RSL24D1: variants seen among roughly 807,000 people sequenced by gnomAD.
RSL24D1 encodes ribosomal L24 domain containing 1.
A neutral mutation model predicts 26.2 loss-of-function variants in RSL24D1; 6 were observed. The observed-to-expected ratio is 0.23, with a 90% CI of 0.13 to 0.45. The LOEUF is 0.45. Among genes scored for constraint, RSL24D1 ranks in the 20% least tolerant of loss-of-function variants. The probability of loss-of-function intolerance (pLI) is 0.99; values close to 1 mark genes in which losing one functional copy is unlikely to be tolerated. For synonymous variants in RSL24D1, 61 were observed against 59.1 expected (o/e 1.03, Z -0.15); for missense variants, 176 against 202.6 (o/e 0.87, Z 0.80).
chr15:55,193,567 T>C (rs1046221851), intron 1 of RSL24D1, among the ~76,000 whole-genome samples: 1 of 152,104 alleles, frequency 6.6e-6, no homozygotes, highest in Non-Finnish European at 1.5e-5. Context: ...GTAAAGAAAA[T>C]TAAGTTGAAT....
intron 5 of RSL24D1, among the ~76,000 whole-genome samples, chr15:55,183,036 A>G (rs940491625): frequency 7.2e-5 from 11 of 152,224 alleles, no homozygotes; most frequent in African/African-American, 2.7e-4. Context: ...TTTAATCAAT[A>G]CAAGTGCAAG....
At chr15:55,191,622 CA>C (rs1249920272) in intron 2 of RSL24D1, among the ~76,000 whole-genome samples, 1 of 152,212 alleles carries the variant, frequency 6.6e-6, no homozygotes, top group African/African-American at 2.4e-5. Flanking sequence ...AGATCCCCTC[CA>C]AACACGGTTA....
chr15:55,185,486 G>T lies in RSL24D1; in HGVS notation c.269-61C>A. The T allele has an allele frequency of 4.4e-6, 5 of 1,135,270 alleles. 1 individual carries two copies. The highest frequency in any genetic ancestry group is 2.2e-5 in the Admixed American group (1 of 45,602). The allele number at this position is 1,135,270 out of a possible 1,614,324, so 70.3% of individuals were successfully genotyped here. Reference sequence around the variant, plus strand: ...CATTCAAGCGGTATGATCAACAACTGCATTAACAAACACTTCTTTATTATT... The same window carrying T: ...CATTCAAGCGGTATGATCAACAACTTCATTAACAAACACTTCTTTATTATT... On this transcript the variant is annotated intron_variant, in intron 3 of 5. Transcript: ENST00000260443.
At chr15:55,187,985 A>C (rs1171533796) in intron 3 of RSL24D1, among the ~76,000 whole-genome samples, 1 of 152,268 alleles carries the variant, frequency 6.6e-6, no homozygotes, top group Non-Finnish European at 1.5e-5. Context: ...TGCAACACAG[A>C]CAGCCATGAG....
chr15:55,186,956 G>C (rs1281434653), intron 3 of RSL24D1, among the ~76,000 whole-genome samples: 1 of 152,102 alleles, frequency 6.6e-6, no homozygotes, highest in East Asian at 1.9e-4. Context: ...TAACATTCAG[G>C]GAGTCTGGAT....
chr15:55,182,376 T>G, intron 5 of RSL24D1, 151 bp from the exon 6 acceptor site: 1 of 594,640 alleles, frequency 1.7e-6, no homozygotes, highest in Non-Finnish European at 3.1e-6. Flanking sequence ...ATAGGTCTTA[T>G]GATATGCCAT....
intron 3 of RSL24D1, among the ~76,000 whole-genome samples, chr15:55,188,690 AATAAC>A (rs1894250007): frequency 6.6e-6 from 1 of 152,230 alleles, no homozygotes; most frequent in Non-Finnish European, 1.5e-5. Context: ...GAGCAATGTA[AATAAC>A]ATGACACCAG....
chr15:55,196,477 T>C, intron 1 of RSL24D1: 1 of 546,388 alleles, frequency 1.8e-6, no homozygotes, highest in Non-Finnish European at 3.5e-6. Context: ...GTTTACTGGA[T>C]TCAAGAATTT....
Position 55,185,364 on chromosome 15 carries a change from G to T in RSL24D1, c.330C>A (p.Asn110Lys), listed in dbSNP as rs746065826. 1.2e-6 allele frequency: 2 copies of T among 1,604,640 alleles called. No homozygotes were observed. Among genetic ancestry groups the T allele is most frequent in the Non-Finnish European group, 1.7e-6 (2 of 1,175,566 alleles). Residue 110 changes from asparagine (N) to lysine (K), a missense_variant and splice_region_variant, in exon 4 of 6, where the codon AAC becomes AAA. By Grantham distance (94) the Asn-to-Lys change is moderately conservative. Around this residue, in one of 3 missense-constraint regions of RSL24D1, gnomAD observed 89 missense variants for 135.1 expected, o/e 0.66. Coordinates refer to ENST00000260443, the MANE Select transcript of RSL24D1 (RefSeq NM_016304.3). ...TTACTCCATACAAATATTCATACCT[G>T]TTCATTATAAATTTAGCTTGGCGCT... ...KQKRQAKFIM[N>K]RLKKNKELQK...
intron 5 of RSL24D1, among the ~76,000 whole-genome samples, chr15:55,183,097 G>C (rs1376247534): frequency 1.3e-5 from 2 of 151,990 alleles, no homozygotes; most frequent in Non-Finnish European, 2.9e-5. Flanking sequence ...ATAACTTGGG[G>C]GGATATGGAA....
chr15:55,188,940 C>T (rs1595652425), intron 3 of RSL24D1, among the ~76,000 whole-genome samples: 2 of 152,118 alleles, frequency 1.3e-5, no homozygotes, highest in Admixed American at 6.5e-5. Context: ...GCCTGTAATC[C>T]CAGCACTTTG....
At chr15:55,194,639 A>T (rs1257578383) in intron 1 of RSL24D1, among the ~76,000 whole-genome samples, 2 of 152,158 alleles carry the variant, frequency 1.3e-5, no homozygotes, top group Non-Finnish European at 2.9e-5. Context: ...CCCTGTTTGC[A>T]AAGTATGTGC....
At position 55,182,098 on chromosome 15, in the gene RSL24D1, A is replaced by G. The variant is rs1353234690; in HGVS notation, c.*54T>C. The G allele has an allele frequency of 9.3e-7, 1 of 1,072,126 alleles. No individual in the cohort carries two copies. Among genetic ancestry groups the G allele is most frequent in the Non-Finnish European group, 1.4e-6 (1 of 703,836 alleles). 66.4% of individuals were successfully genotyped at this position (1,072,126 alleles called of 1,614,324 possible). Reference sequence around the variant, plus strand: ...AAAAATAAAATAATTTAGCAGTTCCAAGTATCCAAAGGGCATTTTCAAATG... The same window carrying G: ...AAAAATAAAATAATTTAGCAGTTCCGAGTATCCAAAGGGCATTTTCAAATG... On this transcript the variant is annotated 3_prime_UTR_variant, in exon 6 of 6. Coordinates refer to ENST00000260443, the MANE Select transcript of RSL24D1 (RefSeq NM_016304.3).
intron 3 of RSL24D1, among the ~76,000 whole-genome samples, chr15:55,186,701 T>C (rs1894227827): frequency 1.3e-5 from 2 of 152,164 alleles, no homozygotes; most frequent in Non-Finnish European, 2.9e-5. Flanking sequence ...ATAAAGGATA[T>C]TACTGGGACA....
In RSL24D1 at chr15:55,181,114, A is replaced by T. The variant is rs185133080; in HGVS notation, c.*1038T>A. ...TCTACCCTAAAAAAACCATTATGCA[A>T]ACTGATCGTTACTTAATGTATTTAA... On this transcript the variant is annotated 3_prime_UTR_variant, in exon 6 of 6. Coordinates refer to ENST00000260443, the MANE Select transcript of RSL24D1 (RefSeq NM_016304.3). The T allele has an allele frequency of 6.6e-6, 1 of 152,270 alleles. No individual in the cohort carries two copies. Among genetic ancestry groups the T allele is most frequent in the East Asian group, 1.9e-4 (1 of 5,190 alleles). 9.4% of individuals were successfully genotyped at this position (152,270 alleles called of 1,614,324 possible). A position where few individuals can be genotyped will look rare whatever the true frequency, so the allele number is the denominator to read the frequency against.
In RSL24D1 at chr15:55,196,803, G is replaced by A. The variant is rs748758032; in HGVS notation, c.81+7C>T. ...GCTGAAGCAAGAACTGGTGTCGACCGCCTTACCTTGCAATCGTTGCGGACG... is the reference window on the plus strand; with the variant it reads ...GCTGAAGCAAGAACTGGTGTCGACCACCTTACCTTGCAATCGTTGCGGACG... On this transcript the variant is annotated splice_region_variant and intron_variant, in intron 1 of 5. Coordinates refer to ENST00000260443, the MANE Select transcript of RSL24D1 (RefSeq NM_016304.3). The A allele has an allele frequency of 3.1e-6, 5 of 1,614,030 alleles. No individual in the cohort carries two copies. Among genetic ancestry groups the A allele is most frequent in the Non-Finnish European group, 3.4e-6 (4 of 1,179,892 alleles).
At chr15:55,195,024 C>CAAAAAAA (rs34525957) in intron 1 of RSL24D1, among the ~76,000 whole-genome samples, 2 of 48,274 alleles carry the variant, frequency 4.1e-5, no homozygotes, top group Admixed American at 2.3e-4. Flanking sequence ...GACCCTGTCT[C>CAAAAAAA]AAAAAAAAAA....
intron 1 of RSL24D1, among the ~76,000 whole-genome samples, chr15:55,193,061 T>C (rs1354780395): frequency 1.3e-5 from 2 of 152,202 alleles, no homozygotes; most frequent in African/African-American, 4.8e-5. Flanking sequence ...ATCATTTATA[T>C]AGAATAACAG....
intron 4 of RSL24D1, among the ~76,000 whole-genome samples, chr15:55,183,727 T>A (rs1894194631): frequency 6.6e-6 from 1 of 152,202 alleles, no homozygotes; most frequent in Non-Finnish European, 1.5e-5. Context: ...CCCTCACAAA[T>A]GTACATTTTC....
Sources: gnomAD v4.1 joint callset for allele counts (sites outside exome capture counted in the v4.1 genomes callset) on GRCh38, gnomAD v4.1.1 for gene constraint, gnomAD v4.1.1 regional missense constraint, MANE v1.5 for transcripts, NCBI Gene and HGNC (gene_info 2026-07-23, HGNC 2026-07-21) for gene names.